Variants in PSIP1 observed in about 807,000 individuals in gnomAD.
The protein encoded by PSIP1 is PC4 and SRSF1 interacting protein 1.
PSIP1 carries 19 observed loss-of-function variants against 74.7 expected under a neutral mutation model. The ratio of observed to expected loss-of-function variants is 0.25; its 90% CI spans 0.18 to 0.37. PSIP1 has a LOEUF of 0.37. Among genes scored for constraint, PSIP1 ranks in the 10% least tolerant of loss-of-function variants. The probability of loss-of-function intolerance (pLI) is 1.00; values close to 1 mark genes in which losing one functional copy is unlikely to be tolerated. For missense variants in PSIP1, 601 were observed against 614.3 expected, an observed-to-expected ratio of 0.98 and a Z score of 0.23; for synonymous variants, 222 against 195.3, an observed-to-expected ratio of 1.14 and a Z score of -1.14.
rs747873113 is a variant in PSIP1, at chr9:15,471,106, A to C, written c.978-1113T>G. 3.8e-6 allele frequency: 6 copies of C among 1,579,668 alleles called. 1 individual carries two copies. In the South Asian group the frequency reaches 6.9e-5, roughly 18 times the overall value. The stretch of plus-strand genomic sequence containing the variant: ...GGGGGGAAGGGGGAAATTCAGTCCA[A>C]TGAGTCTGTATCAAGATCTTCATCT... On this transcript the variant is annotated intron_variant, in intron 10 of 15. Coordinates refer to ENST00000380733, the MANE Select transcript of PSIP1 (RefSeq NM_033222.5).
rs1295415022 is a variant in PSIP1, at chr9:15,464,282, C to CA, written c.*1237dup. On this transcript the variant is annotated 3_prime_UTR_variant, in exon 16 of 16. Transcript: ENST00000380733. Reference sequence around the variant, plus strand: ...GATGAAAACAGTTATCTCAGAGGGTCAACCACACAATGTCATACAGAGACG... The same window carrying CA: ...GATGAAAACAGTTATCTCAGAGGGTCAAACCACACAATGTCATACAGAGACG... The CA allele has an allele frequency of 2.1e-5, 4 of 194,806 alleles. No individual in the cohort carries two copies. The highest frequency in any genetic ancestry group is 9.2e-5 in the African/African-American group (4 of 43,246). 12.1% of individuals were successfully genotyped at this position (194,806 alleles called of 1,614,324 possible). A position where few individuals can be genotyped will look rare whatever the true frequency, so the allele number is the denominator to read the frequency against.
rs1022801520 is a variant in PSIP1 at position 15,470,056 on chromosome 9, C to T, written c.978-63G>A. 5.3e-6 allele frequency: 7 copies of T among 1,327,922 alleles called. No individual in the cohort carries two copies. The African/African-American group carries it at 1.0e-4, about 19-fold the overall frequency. The allele number at this position is 1,327,922 out of a possible 1,614,324, so 82.3% of individuals were successfully genotyped here. On this transcript the variant is annotated intron_variant, in intron 10 of 15. Transcript: ENST00000380733. ...ATTTTGTGACTAAATGCCCACAATC[C>T]CTATGTAAAAGCTAAAAATGTTTTC... is the stretch of plus-strand genomic sequence containing the variant.
intron 1 of PSIP1, 135 bp downstream of exon 1, chr9:15,510,682 T>TC (rs2037828808): frequency 6.5e-6 from 1 of 152,848 alleles, no homozygotes; most frequent in African/African-American, 2.4e-5. Flanking sequence ...ACGCAAGGCC[T>TC]CCCCCGCAAC....
rs570043457 is a variant in PSIP1, at chr9:15,503,674, C to A, written c.149+2887G>T. Among the ~76,000 whole-genome samples, 93 of 151,168 alleles carry A rather than the reference C, an allele frequency of 6.2e-4. No individual in the cohort carries two copies. In the South Asian group the frequency reaches 0.017, roughly 28 times the overall value. The stretch of plus-strand genomic sequence containing the variant: ...GACTCTGTCTCCAAAAAAAAAAAAA[C>A]TTCAAATAACTACCCTCCCAAATTT... On this transcript the variant is annotated intron_variant, in intron 3 of 15. Transcript: ENST00000380733.
Position 15,468,987 on chromosome 9 carries a change from T to C in PSIP1, c.1176A>G (p.Lys392=), listed in dbSNP as rs1438685737. The change falls in exon 13 of 16, where the codon AAA becomes AAG. Residue 392 remains lysine, a synonymous_variant. Transcript: ENST00000380733. ...SLQVTMQQAQ[K]HTEMITTLKK... Reference sequence around the variant, plus strand: ...TCAGTGTAGTAATCATCTCTGTGTGTTTCTGAGCTTGTTGCATTGTGACCT... The same window carrying C: ...TCAGTGTAGTAATCATCTCTGTGTGCTTCTGAGCTTGTTGCATTGTGACCT... 3 of 1,614,026 alleles carry C rather than the reference T, an allele frequency of 1.9e-6. No homozygotes were observed. The highest frequency in any genetic ancestry group is 1.3e-5 in the African/African-American group (1 of 75,056).
chr9:15,505,371 T>C (rs1246113347), intron 3 of PSIP1: 3 of 152,226 alleles, frequency 2.0e-5, no homozygotes, highest in African/African-American at 7.2e-5. Context: ...CTATTAAATT[T>C]ACTGAAGAGT....
intron 4 of PSIP1, among the ~76,000 whole-genome samples, chr9:15,489,597 A>C (rs890944114): frequency 6.8e-5 from 10 of 147,880 alleles, no homozygotes; most frequent in African/African-American, 2.6e-4. Flanking sequence ...AACAAGAGCG[A>C]AACTACACCT....
In PSIP1 at chr9:15,484,000, C is replaced by T. The variant is rs1490655295; in HGVS notation, c.456+2006G>A. 1.3e-5 allele frequency among the ~76,000 whole-genome samples: 2 copies of T among 151,154 alleles called. 1 individual carries two copies. The highest frequency in any genetic ancestry group is 1.3e-4 in the Admixed American group (2 of 15,202). On this transcript the variant is annotated intron_variant, in intron 6 of 15. Transcript: ENST00000380733. ...AAAATTAGCCAGGCGTGGTGGTGCA[C>T]GTCTGTAATCCCAGCTACTCAGGAG...
chr9:15,485,418 T>G (rs1269007163), intron 6 of PSIP1, among the ~76,000 whole-genome samples: 1 of 152,216 alleles, frequency 6.6e-6, no homozygotes, highest in Non-Finnish European at 1.5e-5. Context: ...ATAGTTTACC[T>G]CCTCATGAGA....
chr9:15,486,370 T>C (rs1020700093), intron 5 of PSIP1, among the ~76,000 whole-genome samples: 1 of 152,320 alleles, frequency 6.6e-6, no homozygotes, highest in South Asian at 2.1e-4. Flanking sequence ...TAAATTTGAA[T>C]TGTGAATTTT....
intron 6 of PSIP1, among the ~76,000 whole-genome samples, chr9:15,481,693 A>G (rs1270921880): frequency 3.3e-5 from 5 of 150,654 alleles, no homozygotes; most frequent in East Asian, 1.9e-4. Context: ...CAAAAAAAAC[A>G]AAGAATTATA....
intron 6 of PSIP1, among the ~76,000 whole-genome samples, chr9:15,481,691 A>AC (rs1241332555): frequency 6.6e-6 from 1 of 152,094 alleles, no homozygotes; most frequent in Non-Finnish European, 1.5e-5. Flanking sequence ...CTCAAAAAAA[A>AC]CAAAGAATTA....
chr9:15,500,992 G>C (rs919533328), intron 3 of PSIP1, among the ~76,000 whole-genome samples: 10 of 152,034 alleles, frequency 6.6e-5, no homozygotes, highest in Non-Finnish European at 1.3e-4. Context: ...GTTTGCCAAA[G>C]CTGAACATTT....
At chr9:15,502,106 T>C (rs1340864891) in intron 3 of PSIP1, among the ~76,000 whole-genome samples, 1 of 152,122 alleles carries the variant, frequency 6.6e-6, no homozygotes, top group East Asian at 1.9e-4. Context: ...ATCTAAGTAA[T>C]GGCTGCTGAT....
Position 15,466,878 on chromosome 9 carries a change from G to A in PSIP1, c.1421-19C>T. The A allele has an allele frequency of 1.9e-6, 3 of 1,582,212 alleles. No homozygotes were observed. Among genetic ancestry groups the A allele is most frequent in the East Asian group, 4.5e-5 (2 of 44,388 alleles). On this transcript the variant is annotated intron_variant, in intron 14 of 15. Coordinates refer to ENST00000380733, the MANE Select transcript of PSIP1 (RefSeq NM_033222.5). Reference sequence around the variant, plus strand: ...TTTGACCCTTGCGAAGGAATCCAATGGAAAAACTTTGTTAAAGCTTACAAA... The same window carrying A: ...TTTGACCCTTGCGAAGGAATCCAATAGAAAAACTTTGTTAAAGCTTACAAA...
chr9:15,493,295 T>C (rs1204453027), intron 3 of PSIP1, among the ~76,000 whole-genome samples: 1 of 152,206 alleles, frequency 6.6e-6, no homozygotes, highest in Non-Finnish European at 1.5e-5. Flanking sequence ...GAGTGATCTT[T>C]ACTCCAGTTC....
chr9:15,501,349 C>A (rs970098285), intron 3 of PSIP1, among the ~76,000 whole-genome samples: 1 of 151,460 alleles, frequency 6.6e-6, no homozygotes, highest in African/African-American at 2.4e-5. Flanking sequence ...AGACAAGGTC[C>A]CTGCTGATCC....
chr9:15,507,524 T>C (rs1450001331), intron 2 of PSIP1, among the ~76,000 whole-genome samples: 1 of 152,008 alleles, frequency 6.6e-6, no homozygotes, highest in Non-Finnish European at 1.5e-5. Flanking sequence ...GTCAGGTGCC[T>C]GTAATCTCAG....
chr9:15,497,325 C>CTTTTTTTTTTTT (rs767922897), intron 3 of PSIP1, among the ~76,000 whole-genome samples: 4,154 of 117,962 alleles, frequency 0.035, 571 homozygotes, highest in African/African-American at 0.12. Flanking sequence ...TCTATGATTC[C>CTTTTTTTTTTTT]TTTTTTTTTT....
Sources: allele counts gnomAD v4.1 joint callset (sites outside exome capture counted in the v4.1 genomes callset), GRCh38; gene constraint gnomAD v4.1.1; transcripts MANE v1.5; gene names NCBI Gene and HGNC (gene_info 2026-07-23, HGNC 2026-07-21).